Variants in PRICKLE2 observed in about 807,000 individuals in gnomAD.
The protein encoded by PRICKLE2 is prickle planar cell polarity protein 2.
A neutral mutation model predicts 81.4 loss-of-function variants in PRICKLE2; 21 were observed. That is an observed-to-expected ratio of 0.26 (90% confidence interval 0.18 to 0.37). The LOEUF is 0.37. Among genes scored for constraint, PRICKLE2 ranks in the 10% least tolerant of loss-of-function variants. The probability of loss-of-function intolerance (pLI) is 1.00; values close to 1 mark genes in which losing one functional copy is unlikely to be tolerated. For missense variants in PRICKLE2, 940 were observed against 1,109.0 expected, an observed-to-expected ratio of 0.85 and a Z score of 2.16; for synonymous variants, 456 against 421.5, an observed-to-expected ratio of 1.08 and a Z score of -1.00.
intron 1 of PRICKLE2, among the ~76,000 whole-genome samples, chr3:64,209,619 C>A (rs116416470): frequency 6.4e-4 from 98 of 152,324 alleles, no homozygotes; most frequent in African/African-American, 2.3e-3. Context: ...ACCTACCAAC[C>A]AACCAACTGC....
intron 7 of PRICKLE2, among the ~76,000 whole-genome samples, chr3:64,127,420 T>C (rs987533992): frequency 6.6e-6 from 1 of 152,160 alleles, no homozygotes; most frequent in Admixed American, 6.5e-5. Flanking sequence ...AGAGGTACCA[T>C]TGTGAGTATC....
intron 2 of PRICKLE2, among the ~76,000 whole-genome samples, chr3:64,169,234 C>T (rs2077890676): frequency 1.3e-5 from 2 of 152,138 alleles, no homozygotes; most frequent in Non-Finnish European, 2.9e-5. Context: ...ATGGCTAGAG[C>T]TCCAGCAGCC....
intron 2 of PRICKLE2, among the ~76,000 whole-genome samples, chr3:64,191,250 C>T (rs1172201626): frequency 6.6e-6 from 1 of 152,214 alleles, no homozygotes; most frequent in East Asian, 1.9e-4. Flanking sequence ...TTCCCGGAAG[C>T]CAAACGTTCC....
chr3:64,223,263 C>T (rs879466835), intron 1 of PRICKLE2, among the ~76,000 whole-genome samples: 8 of 152,192 alleles, frequency 5.3e-5, no homozygotes, highest in Non-Finnish European at 1.2e-4. Context: ...GTGGCTGCCA[C>T]TGTGCTCTGC....
intron 1 of PRICKLE2, among the ~76,000 whole-genome samples, chr3:64,204,159 T>C (rs745940175): frequency 4.6e-5 from 7 of 152,044 alleles, no homozygotes; most frequent in Non-Finnish European, 7.4e-5. Flanking sequence ...AAACATACAA[T>C]ACACATAACA....
Position 64,163,048 on chromosome 3 carries a change from G to A in PRICKLE2, c.226C>T (p.Leu76=), listed in dbSNP as rs1171369501. Residue 76 remains leucine, a synonymous_variant, in exon 3 of 8, where the codon CTA becomes TTA. Transcript: ENST00000638394. ...SPGEKLRIKQ[L]LHQLPPHDNE... ...TCATGTGGCGGCAGCTGGTGTAGTA[G>A]CTGCTTGATTCGCAGTTTCTCTCCA... is the stretch of plus-strand genomic sequence containing the variant. 1.2e-6 allele frequency: 2 copies of A among 1,613,948 alleles called. No homozygotes were observed. The highest frequency in any genetic ancestry group is 1.7e-6 in the Non-Finnish European group (2 of 1,179,826).
intron 7 of PRICKLE2, among the ~76,000 whole-genome samples, chr3:64,109,502 G>C (rs929524639): frequency 1.3e-5 from 2 of 152,092 alleles, no homozygotes; most frequent in Non-Finnish European, 2.9e-5. Flanking sequence ...GTGCTACCAG[G>C]ATCAGTGCTG....
intron 2 of PRICKLE2, among the ~76,000 whole-genome samples, chr3:64,236,813 GT>G (rs1231358619): frequency 6.6e-6 from 1 of 152,194 alleles, no homozygotes; most frequent in Non-Finnish European, 1.5e-5. Flanking sequence ...ATGAATGACG[GT>G]GACAATTGTA....
chr3:64,160,882 C>G (rs1473759573), intron 3 of PRICKLE2, among the ~76,000 whole-genome samples: 1 of 152,076 alleles, frequency 6.6e-6, no homozygotes, highest in Non-Finnish European at 1.5e-5. Flanking sequence ...TTTTTGGAAA[C>G]TTGGATGCAT....
At chr3:64,176,742 G>C (rs1030870548) in intron 2 of PRICKLE2, among the ~76,000 whole-genome samples, 3 of 152,178 alleles carry the variant, frequency 2.0e-5, no homozygotes, top group African/African-American at 7.2e-5. Context: ...GAAAATGAAG[G>C]AACTCACTTA....
chr3:64,188,689 CA>C (rs1035439023), intron 2 of PRICKLE2, among the ~76,000 whole-genome samples: 4 of 152,194 alleles, frequency 2.6e-5, no homozygotes, highest in Non-Finnish European at 5.9e-5. Context: ...TTCTCTAAAT[CA>C]GGGGTCTGTG....
At chr3:64,155,290 C>T (rs1056249027) in intron 5 of PRICKLE2, among the ~76,000 whole-genome samples, 4 of 148,346 alleles carry the variant, frequency 2.7e-5, no homozygotes, top group Admixed American at 2.7e-4. Flanking sequence ...AGATGCTCAA[C>T]ATTATTAGCT....
intron 2 of PRICKLE2, among the ~76,000 whole-genome samples, chr3:64,168,000 A>T (rs1163698905): frequency 6.6e-6 from 1 of 152,126 alleles, no homozygotes; most frequent in Non-Finnish European, 1.5e-5. Flanking sequence ...TCTTCAAGAG[A>T]TCTAGGAAGC....
rs2076606705 is a variant in PRICKLE2, at chr3:64,098,839, T to A, written c.*212A>T. 2 of 609,838 alleles carry A rather than the reference T, an allele frequency of 3.3e-6. No individual in the cohort carries two copies. The highest frequency in any genetic ancestry group is 5.3e-5 in the Admixed American group (2 of 37,622). The allele number at this position is 609,838 out of a possible 1,614,324, so 37.8% of individuals were successfully genotyped here. A position where few individuals can be genotyped will look rare whatever the true frequency, so the allele number is the denominator to read the frequency against. ...TGGCCTCGATAGAGTCTACTGTGTT[T>A]CCAAAGTGAAATGTGCAAATAATAT... On this transcript the variant is annotated 3_prime_UTR_variant, in exon 8 of 8. Transcript: ENST00000638394.
intron 2 of PRICKLE2, among the ~76,000 whole-genome samples, chr3:64,184,008 T>C (rs984130592): frequency 1.3e-5 from 2 of 152,230 alleles, no homozygotes; most frequent in Non-Finnish European, 2.9e-5. Context: ...TTCTTAAATA[T>C]TAAATCCAAG....
intron 7 of PRICKLE2, chr3:64,104,785 C>G (rs1163657668): frequency 1.3e-5 from 2 of 152,230 alleles, no homozygotes; most frequent in African/African-American, 2.4e-5. Context: ...GAAATACTAC[C>G]TGCTCACTCT....
chr3:64,171,978 C>G (rs999818986), intron 2 of PRICKLE2, among the ~76,000 whole-genome samples: 4 of 152,160 alleles, frequency 2.6e-5, no homozygotes, highest in Non-Finnish European at 5.9e-5. Context: ...TTATGTTATG[C>G]CCTAAGCCGG....
chr3:64,223,945 GC>G (rs1435342886), intron 1 of PRICKLE2, among the ~76,000 whole-genome samples: 10 of 152,184 alleles, frequency 6.6e-5, no homozygotes, highest in African/African-American at 2.4e-4. Flanking sequence ...GCAAATCACA[GC>G]CTTACCAGCT....
rs1025853369 is a variant in PRICKLE2 at position 64,097,802 on chromosome 3, C to T, written c.*1249G>A. 2.0e-5 allele frequency: 3 copies of T among 152,642 alleles called. No individual in the cohort carries two copies. Among genetic ancestry groups the T allele is most frequent in the African/African-American group, 7.2e-5 (3 of 41,446 alleles). 9.5% of individuals were successfully genotyped at this position (152,642 alleles called of 1,614,324 possible). On this transcript the variant is annotated 3_prime_UTR_variant, in exon 8 of 8. Transcript: ENST00000638394. ...GCTCTTCGAGGTGGTTGTCACCTGT[C>T]CTCTGTTTCATTTCCAGTTCTTCTT...
Sources: gnomAD v4.1 joint callset for allele counts (sites outside exome capture counted in the v4.1 genomes callset) on GRCh38, gnomAD v4.1.1 for gene constraint, MANE v1.5 for transcripts, NCBI Gene and HGNC (gene_info 2026-07-23, HGNC 2026-07-21) for gene names.